Variants in VCF2 observed in about 807,000 individuals in gnomAD.
VCF2 encodes the protein VCP nuclear cofactor family member 2.
chrX:55,150,589 A>G, the VCF2 span, among the ~76,000 whole-genome samples: 1 of 112,307 alleles, frequency 8.9e-6, no homozygotes, highest in Non-Finnish European at 1.9e-5. Flanking sequence ...TGTTATCAGT[A>G]GTAATAATGA....
chrX:55,152,153 A>C, the VCF2 span, among the ~76,000 whole-genome samples: 6 of 110,476 alleles, frequency 5.4e-5, no homozygotes, highest in Non-Finnish European at 9.5e-5. Context: ...GGCCTCCCAA[A>C]GTGCTGGGAT....
the VCF2 span, chrX:55,145,104 T>C: frequency 8.2e-6 from 1 of 122,031 alleles, no homozygotes; most frequent in Non-Finnish European, 1.6e-5. Context: ...TGTGAATCTT[T>C]GCAATTTTAA....
the VCF2 span, chrX:55,143,202 TATC>T: frequency 9.0e-6 from 1 of 111,198 alleles, no homozygotes; most frequent in South Asian, 3.9e-4. Context: ...TAGATTTTTT[TATC>T]ACCTTTTAAA....
At chrX:55,150,386 C>A in the VCF2 span, among the ~76,000 whole-genome samples, 1 of 111,289 alleles carries the variant, frequency 9.0e-6, no homozygotes, top group Non-Finnish European at 1.9e-5. Flanking sequence ...CAGCCTAGAT[C>A]CCTCACATGT....
the VCF2 span, among the ~76,000 whole-genome samples, chrX:55,159,674 T>C: frequency 8.9e-6 from 1 of 112,205 alleles, no homozygotes; most frequent in South Asian, 3.7e-4. Flanking sequence ...GTAGCGACAC[T>C]GAAGAGATAT....
the VCF2 span, chrX:55,146,104 G>A: frequency 8.3e-6 from 10 of 1,207,366 alleles, no homozygotes; most frequent in South Asian, 5.3e-5. Context: ...GCTTGCCCTC[G>A]CTGCTGCAGG....
the VCF2 span, among the ~76,000 whole-genome samples, chrX:55,158,929 T>C: frequency 3.6e-5 from 4 of 111,885 alleles, no homozygotes; most frequent in African/African-American, 1.3e-4. Flanking sequence ...TTTAGCAAAG[T>C]TTTTCTGTGC....
chrX:55,155,519 T>C, the VCF2 span, among the ~76,000 whole-genome samples: 1 of 111,930 alleles, frequency 8.9e-6, no homozygotes, highest in African/African-American at 3.2e-5. Context: ...GGACAATGAT[T>C]GGCAAATGGT....
At chrX:55,158,118 A>G in the VCF2 span, among the ~76,000 whole-genome samples, 1 of 112,131 alleles carries the variant, frequency 8.9e-6, no homozygotes, top group South Asian at 3.7e-4. Context: ...GCTGCCCACA[A>G]TCTTGGATAA....
chrX:55,145,677 T>C, the VCF2 span: 3 of 760,656 alleles, frequency 3.9e-6, no homozygotes, highest in Non-Finnish European at 4.7e-6. Context: ...GAAAGCTACA[T>C]ACCTCTTTAC....
chrX:55,161,094 G>A, the VCF2 span: 1 of 1,206,901 alleles, frequency 8.3e-7, no homozygotes, highest in African/African-American at 1.7e-5. Context: ...GTGGGGACCA[G>A]AGCTCGGACT....
chrX:55,151,344 C>T, the VCF2 span, among the ~76,000 whole-genome samples: 16 of 112,245 alleles, frequency 1.4e-4, no homozygotes, highest in Admixed American at 1.5e-3. Flanking sequence ...TGTACAGGTT[C>T]GTGACCTGTG....
At chrX:55,160,949 G>A in the VCF2 span, 2 of 1,162,548 alleles carry the variant, frequency 1.7e-6, no homozygotes, top group East Asian at 3.3e-5. Flanking sequence ...GGCAAGCAGG[G>A]CCGCGCCACC....
At chrX:55,156,710 G>A in the VCF2 span, among the ~76,000 whole-genome samples, 2 of 111,734 alleles carry the variant, frequency 1.8e-5, no homozygotes, top group Non-Finnish European at 3.8e-5. Context: ...AACAGACACT[G>A]AGTTGTAAGT....
At chrX:55,160,355 C>T in the VCF2 span, among the ~76,000 whole-genome samples, 127 of 112,366 alleles carry the variant, frequency 1.1e-3, no homozygotes, top group African/African-American at 3.9e-3. Flanking sequence ...TTTACTGAAA[C>T]TTTCAACAGC....
the VCF2 span, chrX:55,159,338 T>C: frequency 3.8e-6 from 2 of 527,678 alleles, no homozygotes; most frequent in Admixed American, 4.2e-5. Flanking sequence ...TCTGAAAAAA[T>C]GTCACTATCT....
the VCF2 span, among the ~76,000 whole-genome samples, chrX:55,150,798 A>G: frequency 9.0e-6 from 1 of 111,419 alleles, no homozygotes; most frequent in African/African-American, 3.3e-5. Context: ...GTGATACTAG[A>G]ATAGAGGAAA....
At chrX:55,157,125 T>C in the VCF2 span, among the ~76,000 whole-genome samples, 2 of 112,658 alleles carry the variant, frequency 1.8e-5, no homozygotes, top group African/African-American at 6.4e-5. Flanking sequence ...TCAACAACGA[T>C]TTCATCCCCA....
the VCF2 span, among the ~76,000 whole-genome samples, chrX:55,159,668 C>T: frequency 3.6e-5 from 4 of 111,838 alleles, no homozygotes; most frequent in South Asian, 7.4e-4. Context: ...AGTGGTGTAG[C>T]GACACTGAAG....
Sources: allele counts gnomAD v4.1 joint callset (sites outside exome capture counted in the v4.1 genomes callset), GRCh38; gene constraint gnomAD v4.1.1; transcripts MANE v1.5; gene names NCBI Gene and HGNC (gene_info 2026-07-23, HGNC 2026-07-21).